Variants in PCDHGB2 observed in about 807,000 individuals in gnomAD.
PCDHGB2 encodes protocadherin gamma-B2.
Under a neutral mutation model 59.3 loss-of-function variants are expected in PCDHGB2, and 55 were observed. That is an observed-to-expected ratio of 0.93 (90% confidence interval 0.75 to 1.16). The LOEUF (loss-of-function observed/expected upper bound fraction) is 1.16, where lower values mean the gene tolerates loss of function less well. Among genes scored for constraint, PCDHGB2 ranks in the 50% most tolerant of loss-of-function variants. The pLI is 0.00. For missense variants in PCDHGB2, 1,228 were observed against 1,198.5 expected (o/e 1.02, Z -0.36); for synonymous variants, 516 against 512.0 (o/e 1.01, Z -0.11).
intron 1 of PCDHGB2, chr5:141,409,464 C>G (rs1185218827): frequency 1.9e-6 from 3 of 1,613,940 alleles, no homozygotes; most frequent in Non-Finnish European, 1.7e-6. Context: ...TACAATGTCA[C>G]CATCGTAGCC....
At position 141,477,415 on chromosome 5, in the gene PCDHGB2, A is replaced by T. The variant is rs771293212; in HGVS notation, c.2422-17392A>T. On this transcript the variant is annotated intron_variant, in intron 1 of 3. Coordinates refer to ENST00000522605, the MANE Select transcript of PCDHGB2 (RefSeq NM_018923.3). This position sits in a 1 kb window ranked among gnomAD's most constrained non-coding sequence, Gnocchi z 4.9. ...TCAGCATCACCGCCCGAGACGCCGG[A>T]ACCCCTTCCCTCTCAGCCCTTACAA... 12 of 1,614,162 alleles carry T rather than the reference A, an allele frequency of 7.4e-6. No individual in the cohort carries two copies. The highest frequency in any genetic ancestry group is 1.0e-5 in the Non-Finnish European group (12 of 1,180,020).
chr5:141,402,110 T>G (rs900421956), intron 1 of PCDHGB2, among the ~76,000 whole-genome samples: 1 of 152,150 alleles, frequency 6.6e-6, no homozygotes, highest in Admixed American at 6.5e-5. Context: ...ATTACAAAAA[T>G]GTGAAAATTT....
intron 1 of PCDHGB2, chr5:141,413,452 AGGATAGACC>A (rs2095643065): frequency 6.2e-7 from 1 of 1,614,124 alleles, no homozygotes; most frequent in Admixed American, 1.7e-5. Context: ...CACCGCGGGC[AGGATAGACC>A]GGGAGGAGCT....
At chr5:141,371,709 A>G in intron 1 of PCDHGB2, 1 of 1,613,916 alleles carries the variant, frequency 6.2e-7, no homozygotes, top group East Asian at 2.2e-5. Context: ...CAAGACCATC[A>G]CTCTGCACAT....
intron 1 of PCDHGB2, chr5:141,389,363 C>T (rs776814041): frequency 1.2e-6 from 2 of 1,613,868 alleles, no homozygotes; most frequent in South Asian, 2.2e-5. Flanking sequence ...TGGCCAGTGA[C>T]CTGGAGCAGC....
chr5:141,481,475 C>T (rs1423011632), intron 1 of PCDHGB2, among the ~76,000 whole-genome samples: 1 of 152,200 alleles, frequency 6.6e-6, no homozygotes, highest in Non-Finnish European at 1.5e-5. Context: ...TTGGATTATA[C>T]ACTTTAAATA....
chr5:141,507,810 G>A (rs550331241), intron 3 of PCDHGB2, among the ~76,000 whole-genome samples: 1 of 152,290 alleles, frequency 6.6e-6, no homozygotes, highest in African/African-American at 2.4e-5. Context: ...CCTGGGGAAC[G>A]GACCCTGGGG....
intron 1 of PCDHGB2, chr5:141,382,773 T>C: frequency 1.3e-6 from 1 of 782,328 alleles, no homozygotes; most frequent in Non-Finnish European, 2.0e-6. Context: ...CAGGCTGCAC[T>C]AAACTCAAGC....
intron 1 of PCDHGB2, chr5:141,393,343 A>G (rs751102208): frequency 8.1e-6 from 13 of 1,613,914 alleles, no homozygotes; most frequent in Non-Finnish European, 1.1e-5. Context: ...CCCAATCACC[A>G]CTTCTCCCTG....
intron 1 of PCDHGB2, chr5:141,399,057 A>C (rs747872462): frequency 6.2e-7 from 1 of 1,613,840 alleles, no homozygotes; most frequent in Admixed American, 1.7e-5. Context: ...AGACCAAGGA[A>C]TATTCAATGG....
chr5:141,446,775 T>C (rs1175892018), intron 1 of PCDHGB2, among the ~76,000 whole-genome samples: 2 of 152,188 alleles, frequency 1.3e-5, no homozygotes, highest in Admixed American at 6.5e-5. Context: ...CCGGTTACCA[T>C]TCTTTTACTC....
chr5:141,432,126 C>T lies in PCDHGB2; in HGVS notation c.2422-62681C>T. ...AACCCGCCGGTCTTCCCTCAGGCCTCCTATTCCGCTTATATCCCAGAGAAC... is the reference window on the plus strand; with the variant it reads ...AACCCGCCGGTCTTCCCTCAGGCCTTCTATTCCGCTTATATCCCAGAGAAC... On this transcript the variant is annotated intron_variant, in intron 1 of 3. Coordinates refer to ENST00000522605, the MANE Select transcript of PCDHGB2 (RefSeq NM_018923.3). This position sits in a 1 kb window ranked among gnomAD's most constrained non-coding sequence, Gnocchi z 6.0. The T allele has an allele frequency of 1.2e-6, 2 of 1,614,144 alleles. No homozygotes were observed. Among genetic ancestry groups the T allele is most frequent in the Non-Finnish European group, 1.7e-6 (2 of 1,180,028 alleles).
intron 1 of PCDHGB2, among the ~76,000 whole-genome samples, chr5:141,458,664 G>A (rs544369246): frequency 6.6e-6 from 1 of 152,196 alleles, no homozygotes; most frequent in African/African-American, 2.4e-5. Context: ...CCACCTCTCG[G>A]GTTCAAGCAA....
intron 1 of PCDHGB2, chr5:141,399,982 A>C: frequency 6.2e-7 from 1 of 1,612,330 alleles, no homozygotes; most frequent in Non-Finnish European, 8.5e-7. Context: ...GGGGCTGCGC[A>C]CAGGAGAGGT....
Position 141,432,036 on chromosome 5 carries a change from AC to A in PCDHGB2, c.2422-62769del, listed in dbSNP as rs1419691535. The A allele has an allele frequency of 6.2e-7, 1 of 1,614,218 alleles. No individual in the cohort carries two copies. The highest frequency in any genetic ancestry group is 1.3e-5 in the African/African-American group (1 of 75,048). On this transcript the variant is annotated intron_variant, in intron 1 of 3. Coordinates refer to ENST00000522605, the MANE Select transcript of PCDHGB2 (RefSeq NM_018923.3). This position sits in a 1 kb window ranked among gnomAD's most constrained non-coding sequence, Gnocchi z 6.0. ...TACAACATCACAGTGACCGCCACTG[AC>A]CGGGGAACCCCGCCCCTATCCACGG...
At chr5:141,409,709 T>G (rs1328690143) in intron 1 of PCDHGB2, 2 of 1,613,198 alleles carry the variant, frequency 1.2e-6, no homozygotes, top group Non-Finnish European at 8.5e-7. Context: ...GGCGGTGTCG[T>G]CATACGTGTC....
intron 1 of PCDHGB2, among the ~76,000 whole-genome samples, chr5:141,454,703 A>C (rs933041937): frequency 1.3e-5 from 2 of 150,198 alleles, no homozygotes; most frequent in African/African-American, 4.9e-5. Flanking sequence ...ACCATGCTCC[A>C]CCTGCTTATT....
chr5:141,403,969 T>C (rs1437416293), intron 1 of PCDHGB2: 2 of 1,613,808 alleles, frequency 1.2e-6, no homozygotes, highest in Non-Finnish European at 1.7e-6. Context: ...CGGTGGAAGA[T>C]GTAAATGACA....
intron 1 of PCDHGB2, chr5:141,413,527 G>T (rs768496934): frequency 1.2e-6 from 2 of 1,613,820 alleles, no homozygotes; most frequent in African/African-American, 1.3e-5. Flanking sequence ...GGAAGACAGG[G>T]TGAAACTTTT....
Sources: gnomAD v4.1 joint callset for allele counts (sites outside exome capture counted in the v4.1 genomes callset) on GRCh38, gnomAD v4.1.1 for gene constraint, Gnocchi (gnomAD v3.1) non-coding constraint, MANE v1.5 for transcripts, NCBI Gene and HGNC (gene_info 2026-07-23, HGNC 2026-07-21) for gene names.